The following MYOM2 variants were observed in gnomAD, a reference collection of about 807,000 sequenced individuals.
The protein encoded by MYOM2 is myomesin 2, also known as myomesin-2.
MYOM2 carries 254 observed loss-of-function variants against 187.6 expected under a neutral mutation model. That is an observed-to-expected ratio of 1.35 (90% confidence interval 1.22 to 1.50). The LOEUF (loss-of-function observed/expected upper bound fraction) is 1.50. Ranked by LOEUF, MYOM2 falls within the 40% of genes most tolerant of loss-of-function variation. MYOM2 has a pLI of 0.00. For missense variants in MYOM2, 2,796 were observed against 1,924.0 expected (o/e 1.45, Z -8.48); for synonymous variants, 981 against 753.8 (o/e 1.30, Z -4.94).
intron 31 of MYOM2, 74 bp from the exon 32 acceptor site, chr8:2,129,052 GC>G: frequency 2.7e-6 from 3 of 1,108,010 alleles, no homozygotes; most frequent in Non-Finnish European, 4.1e-6. Context: ...AGGAGGGCTT[GC>G]CGCCGCGATG....
chr8:2,057,882 C>A (rs1384469921), intron 5 of MYOM2, 102 bp downstream of exon 5: 4 of 1,253,834 alleles, frequency 3.2e-6, no homozygotes, highest in Admixed American at 2.6e-5. Flanking sequence ...GTGCTGGAGG[C>A]CACTTACCTT....
At chr8:2,070,526 G>T (rs925393368) in intron 8 of MYOM2, among the ~76,000 whole-genome samples, 1 of 152,176 alleles carries the variant, frequency 6.6e-6, no homozygotes, top group Non-Finnish European at 1.5e-5. Context: ...TGTAGCTCTG[G>T]CCCTCAGGAC....
chr8:2,136,162 A>C (rs892833629), intron 32 of MYOM2, among the ~76,000 whole-genome samples: 1 of 152,210 alleles, frequency 6.6e-6, no homozygotes, highest in African/African-American at 2.4e-5. Flanking sequence ...GAACGCCAAC[A>C]TGGGCAGCTC....
intron 28 of MYOM2, chr8:2,118,829 G>A (rs1275358637): frequency 1.3e-5 from 2 of 153,050 alleles, no homozygotes; most frequent in African/African-American, 4.8e-5. Flanking sequence ...GGCTGGAGGT[G>A]GCAGGGCTGG....
In MYOM2 at chr8:2,057,998, G is replaced by GTTTTTTTTTTTTTTTTT. The variant is rs572901199; in HGVS notation, c.560+240_560+256dup. On this transcript the variant is annotated intron_variant, in intron 5 of 36. Coordinates refer to ENST00000262113, the MANE Select transcript of MYOM2 (RefSeq NM_003970.4). ...ATTGAGTCAACAAATTTTTCAGAGG[G>GTTTTTTTTTTTTTTTTT]TTTTTTTTTTTTTTTTTTTTTTTTT... Among the ~76,000 whole-genome samples, 4 of 80,736 alleles carry GTTTTTTTTTTTTTTTTT rather than the reference G, an allele frequency of 5.0e-5. 2 individuals are homozygous for GTTTTTTTTTTTTTTTTT. Among genetic ancestry groups the GTTTTTTTTTTTTTTTTT allele is most frequent in the African/African-American group, 9.6e-5 (2 of 20,872 alleles). 53.0% of individuals were successfully genotyped at this position (80,736 alleles called of 152,430 possible).
Position 2,096,355 on chromosome 8 carries a change from A to G in MYOM2, c.2234A>G (p.Tyr745Cys). 1 of 1,614,198 alleles carries G rather than the reference A, an allele frequency of 6.2e-7. No individual in the cohort carries two copies. Among genetic ancestry groups the G allele is most frequent in the Non-Finnish European group, 8.5e-7 (1 of 1,180,028 alleles). Reference protein sequence around the residue: ...KFSGGSPILGYYLDKREVHHK... With the variant: ...KFSGGSPILGCYLDKREVHHK... ...AGTGGTGGCTCGCCCATCCTGGGCT[A>G]CTACCTGGACAAGCGTGAAGTTCAC... The change falls in exon 18 of 37, where the codon TAC (tyrosine) becomes TGC (cysteine). Residue 745 changes from tyrosine to cysteine, a missense_variant. Coordinates refer to ENST00000262113, the MANE Select transcript of MYOM2 (RefSeq NM_003970.4).
chr8:2,144,683 C>T lies in MYOM2; in HGVS notation c.4100C>T (p.Thr1367Met), dbSNP rs368659851. The change falls in exon 37 of 37, where the codon ACG becomes ATG. Residue 1367 changes from threonine to methionine, a missense_variant. Transcript: ENST00000262113. ...MEGKTLNLTC[T>M]VFGNPDPEVI... ...CCAAAGACCTTGAATCTGACCTGCA[C>T]GGTGTTTGGAAACCCTGACCCCGAA... 18 of 1,613,886 alleles carry T rather than the reference C, an allele frequency of 1.1e-5. No homozygotes were observed. Among genetic ancestry groups the T allele is most frequent in the African/African-American group, 9.4e-5 (7 of 74,856 alleles).
rs1450842955 is a variant in MYOM2, at chr8:2,144,647, AC to A, written c.4081-15del. 6.2e-7 allele frequency: 1 copy of A among 1,610,924 alleles called. No individual in the cohort carries two copies. On this transcript the variant is annotated splice_polypyrimidine_tract_variant and intron_variant, in intron 36 of 36. Transcript: ENST00000262113. ...TTTTCTAACTCTTCCTTCTCCACCA[AC>A]CTCTTCCGTCCAAAGACCTTGAATC...
In MYOM2 at chr8:2,101,061, C is replaced by G; in HGVS notation, c.2619+7C>G. 6.2e-7 allele frequency: 1 copy of G among 1,613,544 alleles called. No individual in the cohort carries two copies. Among genetic ancestry groups the G allele is most frequent in the Non-Finnish European group, 8.5e-7 (1 of 1,179,728 alleles). On this transcript the variant is annotated splice_region_variant and intron_variant, in intron 20 of 36. Transcript: ENST00000262113. The stretch of plus-strand genomic sequence containing the variant: ...AGCCAGCCGTTATTTAAAGGTAAGT[C>G]TTGGCCGGCTGTGGTGGCTCATGCC...
chr8:2,054,994 AAGTACCTGGATACTGGGGAACC>A, intron 3 of MYOM2, among the ~76,000 whole-genome samples: 1 of 42,326 alleles, frequency 2.4e-5, no homozygotes, highest in African/African-American at 6.7e-5. Flanking sequence ...TGGGGGGACG[AAGTACCTGGATACTGGGGAACC>A]AAGTACCTGG....
chr8:2,094,876 C>T (rs536203962), intron 17 of MYOM2, among the ~76,000 whole-genome samples: 6 of 152,212 alleles, frequency 3.9e-5, no homozygotes, highest in Admixed American at 2.0e-4. Context: ...TCTCAGGGAC[C>T]GTCCCTAGAA....
Position 2,081,361 on chromosome 8 carries a change from T to A in MYOM2, c.1516+1748T>A, listed in dbSNP as rs1444663971. Among the ~76,000 whole-genome samples the A allele has an allele frequency of 1.0e-4, 15 of 143,660 alleles. 1 individual carries two copies. Among genetic ancestry groups the A allele is most frequent in the African/African-American group, 4.0e-4 (15 of 37,182 alleles). The allele number at this position is 143,660 out of a possible 152,430, so 94.2% of individuals were successfully genotyped here. On this transcript the variant is annotated intron_variant, in intron 13 of 36. Coordinates refer to ENST00000262113, the MANE Select transcript of MYOM2 (RefSeq NM_003970.4). The stretch of plus-strand genomic sequence containing the variant: ...CGGGAGGAACAGGCAGCCCAGCCCA[T>A]GTAGAATGAGGTTTGGTTCTGGCCT...
rs770001816 is a variant in MYOM2, at chr8:2,094,064, G to C, written c.2098G>C (p.Asp700His). ...GATGAGTGAAAATTCCCAGGAATCA[G>C]ACGTCATAAAAGTGCAGGCCGCACT... The part of the protein sequence containing the change: ...VGMSENSQES[D>H]VIKVQAALTV... Residue 700 changes from aspartate to histidine, a missense_variant, in exon 17 of 37, where the codon GAC becomes CAC. By Grantham distance (81) the Asp-to-His change is moderately conservative (BLOSUM62 -1). Transcript: ENST00000262113. The C allele has an allele frequency of 3.1e-6, 5 of 1,614,062 alleles. No individual in the cohort carries two copies. In the African/African-American group the frequency reaches 6.7e-5, roughly 22 times the overall value.
intron 12 of MYOM2, 61 bp downstream of exon 12, chr8:2,078,994 A>T: frequency 6.5e-7 from 1 of 1,531,540 alleles, no homozygotes; most frequent in Non-Finnish European, 9.0e-7. Context: ...TTTGTGTGTG[A>T]TTTGTTGTCT....
At chr8:2,046,831 T>A (rs541764980) in intron 1 of MYOM2, among the ~76,000 whole-genome samples, 18 of 152,108 alleles carry the variant, frequency 1.2e-4, no homozygotes, top group African/African-American at 4.3e-4. Flanking sequence ...AAAACAGCTT[T>A]CTATGTAGAC....
intron 14 of MYOM2, among the ~76,000 whole-genome samples, chr8:2,088,773 A>G (rs749438755): frequency 6.6e-6 from 1 of 152,246 alleles, no homozygotes; most frequent in African/African-American, 2.4e-5. Flanking sequence ...CTTTGGGCAT[A>G]TACCCAGTAA....
chr8:2,096,973 G>C (rs571997023), intron 18 of MYOM2: 6 of 246,626 alleles, frequency 2.4e-5, no homozygotes, highest in African/African-American at 1.4e-4. Context: ...GTCAGATCCA[G>C]ACACCCCCTT....
At chr8:2,058,170 C>T (rs1818737519) in intron 5 of MYOM2, among the ~76,000 whole-genome samples, 1 of 151,926 alleles carries the variant, frequency 6.6e-6, no homozygotes, top group Non-Finnish European at 1.5e-5. Context: ...AGGTGTACGC[C>T]ACCACGCCTG....
At chr8:2,058,635 C>T (rs114129662) in intron 5 of MYOM2, among the ~76,000 whole-genome samples, 2,458 of 152,244 alleles carry the variant, frequency 0.016, 57 homozygotes, top group African/African-American at 0.044. Context: ...CCAGGCATAT[C>T]GTGGCTGATG....
Sources: allele counts gnomAD v4.1 joint callset (sites outside exome capture counted in the v4.1 genomes callset), GRCh38; gene constraint gnomAD v4.1.1; transcripts MANE v1.5; gene names NCBI Gene and HGNC (gene_info 2026-07-23, HGNC 2026-07-21).